ZNF182: variants seen among roughly 807,000 people sequenced by gnomAD.
The protein encoded by ZNF182 is zinc finger protein 21 (KOX 14).
Under a neutral mutation model 28.1 loss-of-function variants are expected in ZNF182, and 10 were observed. The ratio of observed to expected loss-of-function variants is 0.36; its 90% CI spans 0.22 to 0.60. The LOEUF (loss-of-function observed/expected upper bound fraction) is 0.60. Among genes scored for constraint, ZNF182 ranks in the 20% least tolerant of loss-of-function variants. The pLI is 0.75. For synonymous variants in ZNF182, 156 were observed against 158.7 expected, an observed-to-expected ratio of 0.98 and a Z score of 0.13; for missense variants, 352 against 453.2, an observed-to-expected ratio of 0.78 and a Z score of 2.03.
At chrX:47,982,217 A>G (rs782505351) in intron 5 of ZNF182, among the ~76,000 whole-genome samples, 1 of 112,249 alleles carries the variant, frequency 8.9e-6, no homozygotes, top group African/African-American at 3.2e-5. Flanking sequence ...ACCAGACATA[A>G]AAGGCCACAT....
intron 3 of ZNF182, among the ~76,000 whole-genome samples, chrX:47,989,019 C>A (rs984904563): frequency 3.6e-5 from 4 of 111,918 alleles, no homozygotes; most frequent in Non-Finnish European, 7.5e-5. Flanking sequence ...AATTATGTAA[C>A]CTCAAAGTAT....
In ZNF182 at chrX:47,989,068, T is replaced by A. The variant is rs1237997535; in HGVS notation, c.16-5657A>T. Among the ~76,000 whole-genome samples the A allele has an allele frequency of 5.4e-5, 6 of 112,014 alleles. No homozygotes were observed. The Admixed American group carries it at 5.7e-4, about 11-fold the overall frequency. On this transcript the variant is annotated intron_variant, in intron 3 of 5. Transcript: ENST00000376943. ...GTTATTAATTACAAAGGAAAAATAG[T>A]AATGTTACAGCACAGAAACGTGGTT...
chrX:47,990,515 A>G (rs2058938062), intron 3 of ZNF182, among the ~76,000 whole-genome samples: 1 of 112,190 alleles, frequency 8.9e-6, no homozygotes, highest in African/African-American at 3.2e-5. Flanking sequence ...ACACATATAC[A>G]TACAGAAATA....
rs984319866 is a variant in ZNF182 at position 47,976,896 on chromosome X, C to T, written c.1134G>A (p.Thr378=). The T allele has an allele frequency of 1.4e-5, 17 of 1,207,678 alleles. No homozygotes were observed. The highest frequency in any genetic ancestry group is 5.3e-5 in the African/African-American group (3 of 57,052). Residue 378 remains threonine (T), a synonymous_variant, in exon 6 of 6, where the codon ACG becomes ACA. Transcript: ENST00000376943. ...STLIIHQRTH[T]GEKPHKCTEC... is the part of the protein sequence containing the mutation. ...CAGTACATTTATGAGGTTTCTCTCC[C>T]GTATGAGTTCTCTGGTGTATAATGA...
chrX:47,987,608 G>A lies in ZNF182; in HGVS notation c.16-4197C>T, dbSNP rs73491294. Among the ~76,000 whole-genome samples the A allele has an allele frequency of 4.1e-3, 458 of 112,412 alleles. 4 individuals are homozygous for A. The highest frequency in any genetic ancestry group is 0.013 in the African/African-American group (416 of 30,959). ...AAGAAGGGAGATGCAAATATGCAACGAGGGATGACTAAGATTCCCAGGATG... is the reference window on the plus strand; with the variant it reads ...AAGAAGGGAGATGCAAATATGCAACAAGGGATGACTAAGATTCCCAGGATG... On this transcript the variant is annotated intron_variant, in intron 3 of 5. Coordinates refer to ENST00000376943, the MANE Select transcript of ZNF182 (RefSeq NM_001007088.2).
intron 3 of ZNF182, among the ~76,000 whole-genome samples, chrX:47,984,108 A>G (rs2058916029): frequency 9.0e-6 from 1 of 111,574 alleles, no homozygotes; most frequent in South Asian, 3.8e-4. Context: ...AAAAGAATGG[A>G]TAAGAGAAGT....
chrX:47,995,209 G>A (rs112807303), intron 3 of ZNF182, among the ~76,000 whole-genome samples: 7 of 110,152 alleles, frequency 6.4e-5, no homozygotes, highest in Non-Finnish European at 1.1e-4. Context: ...GTGTGCACCT[G>A]TAGTCCCAGC....
At chrX:47,977,908 T>C (rs922155679) in intron 5 of ZNF182, 111 bp from the exon 6 acceptor site, 141 of 740,386 alleles carry the variant, frequency 1.9e-4, no homozygotes, top group Non-Finnish European at 2.5e-4. Context: ...TTTATCAGAG[T>C]TCCTGGAGAG....
At chrX:47,997,702 G>A (rs892289149) in intron 3 of ZNF182, among the ~76,000 whole-genome samples, 22 of 111,231 alleles carry the variant, frequency 2.0e-4, no homozygotes, top group Middle Eastern at 4.6e-3. Flanking sequence ...TGAGGCAGGA[G>A]AATCACCTGA....
rs868946702 is a variant in ZNF182 at position 47,977,210 on chromosome X, G to A, written c.820C>T (p.Pro274Ser). 2 of 1,206,677 alleles carry A rather than the reference G, an allele frequency of 1.7e-6. No homozygotes were observed. The highest frequency in any genetic ancestry group is 4.4e-5 in the Admixed American group (2 of 45,313). The change falls in exon 6 of 6, where the codon CCT becomes TCT. Residue 274 changes from proline to serine, a missense_variant. Coordinates refer to ENST00000376943, the MANE Select transcript of ZNF182 (RefSeq NM_001007088.2). Reference sequence around the variant, plus strand: ...TCTCTGAAGGCTTTTCCACATTCAGGACACTCAAAGGGTCTCTCTCCTGTA... The same window carrying A: ...TCTCTGAAGGCTTTTCCACATTCAGAACACTCAAAGGGTCTCTCTCCTGTA... ...THTGERPFEC[P>S]ECGKAFREKS...
intron 3 of ZNF182, among the ~76,000 whole-genome samples, chrX:47,995,464 T>G (rs2058955740): frequency 9.0e-6 from 1 of 111,712 alleles, no homozygotes; most frequent in Non-Finnish European, 1.9e-5. Flanking sequence ...GGTAAACCAA[T>G]AAAAATTACC....
intron 3 of ZNF182, among the ~76,000 whole-genome samples, chrX:47,993,648 G>A (rs1459473718): frequency 2.7e-5 from 3 of 112,095 alleles, no homozygotes; most frequent in African/African-American, 9.7e-5. Flanking sequence ...AAGTTCTTCT[G>A]AGATAAAAAC....
intron 3 of ZNF182, among the ~76,000 whole-genome samples, chrX:47,998,925 C>A (rs932443996): frequency 5.3e-4 from 58 of 110,467 alleles, no homozygotes; most frequent in South Asian, 1.1e-3. Flanking sequence ...TCCAAAGGAT[C>A]TGAAATTAGG....
At chrX:47,991,781 C>A (rs1167079568) in intron 3 of ZNF182, among the ~76,000 whole-genome samples, 2 of 110,744 alleles carry the variant, frequency 1.8e-5, no homozygotes, top group African/African-American at 6.6e-5. Context: ...ATCCCCCCAC[C>A]CCAACAACGG....
intron 3 of ZNF182, among the ~76,000 whole-genome samples, chrX:47,995,168 A>G (rs2058954806): frequency 9.2e-6 from 1 of 108,636 alleles, no homozygotes; most frequent in South Asian, 4.1e-4. Flanking sequence ...CATCTCTACT[A>G]AAAGTACAAA....
At chrX:47,978,207 G>A (rs1347567662) in intron 5 of ZNF182, among the ~76,000 whole-genome samples, 1 of 110,914 alleles carries the variant, frequency 9.0e-6, no homozygotes, top group Non-Finnish European at 1.9e-5. Flanking sequence ...AGCTGGGACT[G>A]CAAGCGCGAG....
In ZNF182 at chrX:48,002,669, A is replaced by G. The variant is rs2146477884; in HGVS notation, c.-44-16T>C. The G allele has an allele frequency of 8.4e-7, 1 of 1,189,911 alleles. No homozygotes were observed. The highest frequency in any genetic ancestry group is 1.8e-5 in the African/African-American group (1 of 56,875). On this transcript the variant is annotated splice_polypyrimidine_tract_variant and intron_variant, in intron 2 of 5. Transcript: ENST00000376943. ...GACGGCCGAGCTGGAACAAGTGGAG[A>G]AGAGTACAGCAGATGAGGAGACCCC... is the stretch of plus-strand genomic sequence containing the variant.
chrX:47,998,075 T>C (rs1426817809), intron 3 of ZNF182, among the ~76,000 whole-genome samples: 1 of 108,927 alleles, frequency 9.2e-6, no homozygotes. Flanking sequence ...TACATTCTTT[T>C]CTTTTCTCTT....
chrX:47,979,866 G>GGTGGGT (rs1556898854), intron 5 of ZNF182, among the ~76,000 whole-genome samples: 2 of 89,785 alleles, frequency 2.2e-5, no homozygotes, highest in East Asian at 7.7e-4. Context: ...GTGTGTGTGG[G>GGTGGGT]GTGTGTGTGT....
Sources: allele counts gnomAD v4.1 joint callset (sites outside exome capture counted in the v4.1 genomes callset), GRCh38; gene constraint gnomAD v4.1.1; transcripts MANE v1.5; gene names NCBI Gene and HGNC (gene_info 2026-07-23, HGNC 2026-07-21).